The following AFAP1L2 variants were observed in gnomAD, a reference collection of about 807,000 sequenced individuals.
The protein encoded by AFAP1L2 is actin filament-associated protein 1-like 2.
In AFAP1L2, 46 loss-of-function variants were observed where a neutral mutation model predicts 99.3. The observed-to-expected ratio is 0.46, with a 90% CI of 0.37 to 0.59. AFAP1L2 has a LOEUF of 0.59. Among genes scored for constraint, AFAP1L2 ranks in the 20% least tolerant of loss-of-function variants. The pLI is 0.00. For synonymous variants in AFAP1L2, 397 were observed against 419.1 expected, an observed-to-expected ratio of 0.95 and a Z score of 0.64; for missense variants, 959 against 1,034.9, an observed-to-expected ratio of 0.93 and a Z score of 1.01.
intron 7 of AFAP1L2, among the ~76,000 whole-genome samples, chr10:114,313,669 C>T (rs979214197): frequency 2.0e-5 from 3 of 152,180 alleles, no homozygotes; most frequent in East Asian, 1.9e-4. Flanking sequence ...CACCCAAGTC[C>T]GGGCTACTGG....
rs1310946780 is a variant in AFAP1L2 at position 114,313,970 on chromosome 10, T to G, written c.693A>C (p.Gln231His). ...TCAGCTTGTGCTCCTTCTTCCGCAC[T>G]TGCTTCTCCTTGTGAATGACGCTGC... ...LGSSVIHKEK[Q>H]VRKKEHKLKI... The change falls in exon 7 of 19, where the codon CAA (glutamine) becomes CAC (histidine). Residue 231 changes from glutamine to histidine, a missense_variant. Around this residue, in one of 2 missense-constraint regions of AFAP1L2, gnomAD observed 383 missense variants for 472.8 expected, o/e 0.81. Transcript: ENST00000304129. 6.2e-7 allele frequency: 1 copy of G among 1,613,988 alleles called. No homozygotes were observed. Among genetic ancestry groups the G allele is most frequent in the Non-Finnish European group, 8.5e-7 (1 of 1,179,998 alleles).
intron 4 of AFAP1L2, among the ~76,000 whole-genome samples, chr10:114,326,765 G>T (rs1046263577): frequency 2.0e-4 from 30 of 152,270 alleles, no homozygotes; most frequent in African/African-American, 7.2e-4. Flanking sequence ...GGCATAAGAA[G>T]GGGAGAATAG....
At chr10:114,386,301 C>T (rs1400436080) in intron 1 of AFAP1L2, among the ~76,000 whole-genome samples, 2 of 151,914 alleles carry the variant, frequency 1.3e-5, no homozygotes, top group African/African-American at 2.4e-5. Context: ...CTCAAGAAGT[C>T]GAGGTGGGAG....
intron 1 of AFAP1L2, among the ~76,000 whole-genome samples, chr10:114,402,658 GC>G (rs2058333258): frequency 6.6e-6 from 1 of 152,232 alleles, no homozygotes; most frequent in South Asian, 2.1e-4. Flanking sequence ...AGGATTTTAA[GC>G]TCCTGAGAGA....
In AFAP1L2 at chr10:114,297,005, G is replaced by C; in HGVS notation, c.2403C>G (p.Gly801=). Residue 801 remains glycine, a synonymous_variant, in exon 18 of 19, where the codon GGC becomes GGG. Transcript: ENST00000304129. ...KNRPLSVVVT[G]KGTVLQKAKE... ...TGGCTTTCTGGAGTACAGTGCCTTT[G>C]CCTGTGACCACGACCGAGAGAGGCC... The C allele has an allele frequency of 6.2e-7, 1 of 1,614,192 alleles. No individual in the cohort carries two copies. Among genetic ancestry groups the C allele is most frequent in the Non-Finnish European group, 8.5e-7 (1 of 1,180,018 alleles).
rs373827227 is a variant in AFAP1L2 at position 114,313,857 on chromosome 10, G to T, written c.792+14C>A. On this transcript the variant is annotated intron_variant, in intron 7 of 18. Transcript: ENST00000304129. ...CTCTAGGAACCCCTCCAAGTGGCTCGGTGTCGCCCTCACCCTGAGCCACTG... is the reference window on the plus strand; with the variant it reads ...CTCTAGGAACCCCTCCAAGTGGCTCTGTGTCGCCCTCACCCTGAGCCACTG... 1.5e-5 allele frequency: 23 copies of T among 1,581,064 alleles called. No individual in the cohort carries two copies. Among genetic ancestry groups the T allele is most frequent in the Non-Finnish European group, 2.0e-5 (23 of 1,161,076 alleles).
At chr10:114,289,498 G>A in the AFAP1L2 span, 1 of 1,613,922 alleles carries the variant, frequency 6.2e-7, no homozygotes, top group Non-Finnish European at 8.5e-7. Flanking sequence ...AGGTGAGTGG[G>A]GGAATCCACA....
chr10:114,385,894 T>C (rs1565064206), intron 1 of AFAP1L2, among the ~76,000 whole-genome samples: 1 of 152,134 alleles, frequency 6.6e-6, no homozygotes. Flanking sequence ...AGGTACCTGG[T>C]GGAGGGTGCG....
At chr10:114,299,214 A>G (rs993946700) in intron 16 of AFAP1L2, 46 bp downstream of exon 16, 3 of 1,609,218 alleles carry the variant, frequency 1.9e-6, no homozygotes, top group Non-Finnish European at 2.5e-6. Flanking sequence ...TTAAGCCTAC[A>G]CGGCCCTCTG....
intron 11 of AFAP1L2, 129 bp downstream of exon 11, chr10:114,304,590 A>G (rs1392820505): frequency 1.0e-6 from 1 of 994,392 alleles, no homozygotes; most frequent in Non-Finnish European, 1.4e-6. Flanking sequence ...ATCTCAGGCA[A>G]ACGAAGTAAA....
At chr10:114,286,705 C>G in the AFAP1L2 span, among the ~76,000 whole-genome samples, 2 of 152,208 alleles carry the variant, frequency 1.3e-5, no homozygotes, top group Non-Finnish European at 2.9e-5. Context: ...AGTAGTACCT[C>G]CTGAGAGATC....
rs574799243 is a variant in AFAP1L2 at position 114,295,765 on chromosome 10, C to T, written c.*277G>A. 9.4e-6 allele frequency: 11 copies of T among 1,174,176 alleles called. No individual in the cohort carries two copies. The African/African-American group carries it at 1.4e-4, about 15-fold the overall frequency. 72.7% of individuals were successfully genotyped at this position (1,174,176 alleles called of 1,614,324 possible). ...TTAGTAAAGCAATTGATGACAACTT[C>T]AAAAAAGAAAGAAACACAGAACATC... is the stretch of plus-strand genomic sequence containing the variant. On this transcript the variant is annotated 3_prime_UTR_variant, in exon 19 of 19. Transcript: ENST00000304129.
At chr10:114,317,096 A>G (rs993747823) in intron 5 of AFAP1L2, among the ~76,000 whole-genome samples, 3 of 151,882 alleles carry the variant, frequency 2.0e-5, no homozygotes, top group African/African-American at 7.3e-5. Context: ...TGGCAGAAGA[A>G]TCCAGAAGCC....
chr10:114,394,196 T>C (rs916025050), intron 1 of AFAP1L2, among the ~76,000 whole-genome samples: 1 of 152,192 alleles, frequency 6.6e-6, no homozygotes, highest in Non-Finnish European at 1.5e-5. Context: ...CTGAGGATTG[T>C]GGAAGATGTC....
intron 5 of AFAP1L2, among the ~76,000 whole-genome samples, chr10:114,321,848 G>GC (rs1202076363): frequency 2.0e-5 from 3 of 152,172 alleles, no homozygotes; most frequent in Non-Finnish European, 2.9e-5. Flanking sequence ...GTTAGCATGA[G>GC]CCCTGCCTAC....
chr10:114,351,257 T>C (rs6585273), intron 1 of AFAP1L2, among the ~76,000 whole-genome samples: 23,277 of 152,196 alleles, frequency 0.15, 4,354 homozygotes, highest in African/African-American at 0.45. Context: ...CAGAAGAGCA[T>C]GGAGTTTTTA....
intron 1 of AFAP1L2, among the ~76,000 whole-genome samples, chr10:114,403,487 C>T (rs2058416725): frequency 6.6e-6 from 1 of 152,154 alleles, no homozygotes; most frequent in African/African-American, 2.4e-5. Flanking sequence ...CATTTCCTCC[C>T]GCAGGTTTGG....
intron 1 of AFAP1L2, among the ~76,000 whole-genome samples, chr10:114,364,268 T>C (rs945362837): frequency 1.3e-5 from 2 of 152,204 alleles, no homozygotes; most frequent in African/African-American, 2.4e-5. Context: ...CCTGTATCCA[T>C]GGCCCAGGAC....
the AFAP1L2 span, chr10:114,285,920 G>GTA: frequency 6.4e-7 from 1 of 1,567,890 alleles, no homozygotes. Flanking sequence ...GACAGTGGGT[G>GTA]TTGCTGTGAT....
Sources: allele counts gnomAD v4.1 joint callset (sites outside exome capture counted in the v4.1 genomes callset), GRCh38; gene constraint gnomAD v4.1.1; regional missense constraint gnomAD v4.1.1; transcripts MANE v1.5; gene names NCBI Gene and HGNC (gene_info 2026-07-23, HGNC 2026-07-21).